The following RNF130 variants were observed in gnomAD, a reference collection of about 807,000 sequenced individuals.
The protein encoded by RNF130 is E3 ubiquitin-protein ligase RNF130.
RNF130 carries 21 observed loss-of-function variants against 44.6 expected under a neutral mutation model. That is an observed-to-expected ratio of 0.47 (90% confidence interval 0.33 to 0.68). The LOEUF (loss-of-function observed/expected upper bound fraction) is 0.68. Ranked by LOEUF, RNF130 falls within the 30% of genes least tolerant of loss-of-function variation. The pLI, the probability that RNF130 is intolerant of heterozygous loss-of-function variation, is 0.02. For missense variants in RNF130, 479 were observed against 560.6 expected (o/e 0.85, Z 1.47); for synonymous variants, 214 against 210.4 (o/e 1.02, Z -0.15).
rs566832436 is a variant in RNF130, at chr5:179,986,171, T to A, written c.694-5971A>T. Among the ~76,000 whole-genome samples the A allele has an allele frequency of 3.3e-5, 5 of 152,342 alleles. No homozygotes were observed. The South Asian group carries it at 1.0e-3, about 32-fold the overall frequency. On this transcript the variant is annotated intron_variant, in intron 3 of 8. Coordinates refer to ENST00000521389, the MANE Select transcript of RNF130 (RefSeq NM_018434.6). ...ACCCACATAAAGGCTGCAAAAGGTA[T>A]TTAGCAAAAAGTATAAAGTTTTTGT...
At chr5:179,938,105 C>T (rs1482816291) in intron 7 of RNF130, among the ~76,000 whole-genome samples, 3 of 151,882 alleles carry the variant, frequency 2.0e-5, no homozygotes, top group Non-Finnish European at 4.4e-5. Flanking sequence ...TACAGGTACG[C>T]GGCACCACGT....
rs1445748064 is a variant in RNF130, at chr5:180,040,437, C to T, written c.442+16G>A. 14 of 1,600,218 alleles carry T rather than the reference C, an allele frequency of 8.7e-6. No homozygotes were observed. Among genetic ancestry groups the T allele is most frequent in the Middle Eastern group, 1.7e-4 (1 of 5,976 alleles). Reference sequence around the variant, plus strand: ...TAAGAAGAAAAACAAAATCAACAACCCTCATTTTTGTTTACCTGGATGAGT... The same window carrying T: ...TAAGAAGAAAAACAAAATCAACAACTCTCATTTTTGTTTACCTGGATGAGT... On this transcript the variant is annotated intron_variant, in intron 2 of 8. Coordinates refer to ENST00000521389, the MANE Select transcript of RNF130 (RefSeq NM_018434.6).
chr5:179,933,731 C>T (rs2113677841), intron 7 of RNF130: 1 of 364,256 alleles, frequency 2.7e-6, no homozygotes, highest in Non-Finnish European at 5.1e-6. Context: ...CCATGTTGCC[C>T]AGGCTGGTCT....
intron 7 of RNF130, among the ~76,000 whole-genome samples, chr5:179,942,280 C>T (rs1364499943): frequency 6.6e-6 from 1 of 151,144 alleles, no homozygotes; most frequent in East Asian, 1.9e-4. Context: ...ATGAAGATTA[C>T]AAAGGTTTTA....
chr5:179,989,387 T>C (rs1561682472), intron 3 of RNF130, among the ~76,000 whole-genome samples: 1 of 152,216 alleles, frequency 6.6e-6, no homozygotes, highest in Non-Finnish European at 1.5e-5. Context: ...AGTGTATCTA[T>C]CCCTTGAGGC....
At chr5:180,024,289 A>C (rs975213130) in intron 2 of RNF130, among the ~76,000 whole-genome samples, 1 of 152,264 alleles carries the variant, frequency 6.6e-6, no homozygotes, top group African/African-American at 2.4e-5. Flanking sequence ...ATAAAGTAAT[A>C]GACTTTGGTT....
chr5:179,920,851 G>A (rs1037824014), intron 7 of RNF130, among the ~76,000 whole-genome samples: 1 of 150,526 alleles, frequency 6.6e-6, no homozygotes, highest in African/African-American at 2.5e-5. Context: ...GTGCAGTAGT[G>A]TGATCTTGGC....
intron 6 of RNF130, 94 bp downstream of exon 6, chr5:179,970,316 A>G: frequency 1.1e-6 from 1 of 895,478 alleles, no homozygotes; most frequent in Non-Finnish European, 1.7e-6. Flanking sequence ...TCTGTGTCTT[A>G]GTCATGCCTC....
chr5:179,951,326 G>T (rs1762120563), downstream of RNF130, among the ~76,000 whole-genome samples: 1 of 150,992 alleles, frequency 6.6e-6, no homozygotes, highest in Admixed American at 6.6e-5. Flanking sequence ...TGAGCAACAC[G>T]ATTAACTAGA....
At chr5:180,007,526 C>A (rs1360255544) in intron 3 of RNF130, among the ~76,000 whole-genome samples, 1 of 152,204 alleles carries the variant, frequency 6.6e-6, no homozygotes, top group African/African-American at 2.4e-5. Flanking sequence ...AGTCTAGCTG[C>A]TGCCACCTTC....
intron 7 of RNF130, among the ~76,000 whole-genome samples, chr5:179,946,936 G>A (rs1762051263): frequency 6.6e-6 from 1 of 152,068 alleles, no homozygotes; most frequent in Non-Finnish European, 1.5e-5. Flanking sequence ...TGCCACCCTA[G>A]CTCCCGTTAT....
chr5:179,941,721 TTAAAA>T (rs1016172469), intron 7 of RNF130, among the ~76,000 whole-genome samples: 6 of 152,224 alleles, frequency 3.9e-5, no homozygotes, highest in African/African-American at 1.2e-4. Flanking sequence ...CTTTAATTTC[TTAAAA>T]TAAAATGTTT....
chr5:179,943,054 G>C (rs1198803791), intron 7 of RNF130, among the ~76,000 whole-genome samples: 2 of 152,158 alleles, frequency 1.3e-5, no homozygotes, highest in Non-Finnish European at 2.9e-5. Flanking sequence ...AATTAGTTGG[G>C]CGTGGTGGCA....
At chr5:179,961,242 C>T (rs1433405635) in intron 8 of RNF130, among the ~76,000 whole-genome samples, 2 of 152,172 alleles carry the variant, frequency 1.3e-5, no homozygotes, top group African/African-American at 4.8e-5. Context: ...ACAACATGCA[C>T]GCACACACAC....
chr5:180,039,987 A>C (rs1764368986), intron 2 of RNF130, among the ~76,000 whole-genome samples: 1 of 152,352 alleles, frequency 6.6e-6, no homozygotes, highest in South Asian at 2.1e-4. Flanking sequence ...TATTGTTATT[A>C]AACAATCAGA....
chr5:180,003,911 C>G (rs1763405088), intron 3 of RNF130, among the ~76,000 whole-genome samples: 1 of 152,204 alleles, frequency 6.6e-6, no homozygotes, highest in South Asian at 2.1e-4. Context: ...AAAATCTATA[C>G]TAACTAAGGT....
intron 1 of RNF130, among the ~76,000 whole-genome samples, chr5:180,043,922 T>C (rs1381682948): frequency 6.6e-6 from 1 of 152,114 alleles, no homozygotes; most frequent in African/African-American, 2.4e-5. Flanking sequence ...AATAAGAGGT[T>C]TTCATAAACA....
chr5:179,994,083 A>G (rs1372801676), intron 3 of RNF130, among the ~76,000 whole-genome samples: 3 of 152,096 alleles, frequency 2.0e-5, no homozygotes, highest in Non-Finnish European at 2.9e-5. Flanking sequence ...CCATTGGTCT[A>G]TATCTCTGTT....
chr5:179,992,908 T>C (rs2113035742), intron 3 of RNF130, among the ~76,000 whole-genome samples: 1 of 152,272 alleles, frequency 6.6e-6, no homozygotes, highest in East Asian at 1.9e-4. Flanking sequence ...CAGTGTGTGA[T>C]GTTCCCCATC....
Sources: allele counts gnomAD v4.1 joint callset (sites outside exome capture counted in the v4.1 genomes callset), GRCh38; gene constraint gnomAD v4.1.1; transcripts MANE v1.5; gene names NCBI Gene and HGNC (gene_info 2026-07-23, HGNC 2026-07-21).